Variants in PID1 observed in about 807,000 individuals in gnomAD.
PID1 encodes the protein PTB-containing, cubilin and LRP1-interacting protein.
Under a neutral mutation model 19.1 loss-of-function variants are expected in PID1, and 10 were observed. The ratio of observed to expected loss-of-function variants is 0.52; its 90% confidence interval spans 0.32 to 0.89. The LOEUF is 0.89. PID1 is among the 40% of genes least tolerant of loss of function. The pLI, the probability that PID1 is intolerant of heterozygous loss-of-function variation, is 0.03. For missense variants in PID1, 248 were observed against 285.3 expected (o/e 0.87, Z 0.94); for synonymous variants, 130 against 116.0 (o/e 1.12, Z -0.78).
At chr2:229,218,687 T>C (rs1306384088) in intron 1 of PID1, among the ~76,000 whole-genome samples, 1 of 152,094 alleles carries the variant, frequency 6.6e-6, no homozygotes, top group East Asian at 1.9e-4. Flanking sequence ...AGAGTCCAGG[T>C]TAGGAGCCCT....
rs1480361571 is a variant in PID1 at position 229,055,105 on chromosome 2, G to T, written c.178-28997C>A. On this transcript the variant is annotated intron_variant, in intron 2 of 2. Transcript: ENST00000392055. The stretch of plus-strand genomic sequence containing the variant: ...TAGGTACTCTGAATTCGTCCATTGT[G>T]GTCTCAACACCTGCCATTCATCATT... Among the ~76,000 whole-genome samples, 41 of 152,062 alleles carry T rather than the reference G, an allele frequency of 2.7e-4. 1 individual carries two copies. The highest frequency in any genetic ancestry group is 2.7e-3 in the Admixed American group (41 of 15,268).
intron 1 of PID1, among the ~76,000 whole-genome samples, chr2:229,206,160 G>A (rs1691604914): frequency 1.3e-5 from 2 of 151,700 alleles, no homozygotes; most frequent in South Asian, 2.1e-4. Context: ...TTTGTTGCTC[G>A]GATTCATCTG....
chr2:229,064,269 C>A (rs1694275047), intron 2 of PID1, among the ~76,000 whole-genome samples: 1 of 151,806 alleles, frequency 6.6e-6, no homozygotes, highest in Admixed American at 6.6e-5. Context: ...AAATAGAGAG[C>A]CAGGAACAAA....
chr2:229,164,317 T>A lies in PID1; in HGVS notation c.31-8353A>T, dbSNP rs533896135. Among the ~76,000 whole-genome samples the A allele has an allele frequency of 4.8e-4, 72 of 151,292 alleles. No homozygotes were observed. In the South Asian group the frequency reaches 8.8e-3, roughly 18 times the overall value. On this transcript the variant is annotated intron_variant, in intron 1 of 2. Transcript: ENST00000392055. ...TCACCTACTCATGAAAAAAAAAAAA[T>A]TCAAGTATAGCTGAATTGACTCCTA...
chr2:229,179,863 G>C (rs904443926), intron 1 of PID1, among the ~76,000 whole-genome samples: 1 of 152,140 alleles, frequency 6.6e-6, no homozygotes, highest in Non-Finnish European at 1.5e-5. Context: ...AAAGAGGCTG[G>C]ACTCTCCTTG....
intron 1 of PID1, among the ~76,000 whole-genome samples, chr2:229,259,893 G>A (rs1047166916): frequency 2.0e-5 from 3 of 152,098 alleles, no homozygotes; most frequent in Admixed American, 6.5e-5. Flanking sequence ...ACAGCGTGAA[G>A]GCACCATTTC....
chr2:229,051,535 A>C (rs553242655), intron 2 of PID1, among the ~76,000 whole-genome samples: 1 of 152,060 alleles, frequency 6.6e-6, no homozygotes, highest in African/African-American at 2.4e-5. Flanking sequence ...ACAGGGTTTC[A>C]CCATGTTGCC....
intron 2 of PID1, among the ~76,000 whole-genome samples, chr2:229,092,541 T>C (rs563818125): frequency 6.6e-6 from 1 of 152,314 alleles, no homozygotes; most frequent in South Asian, 2.1e-4. Context: ...AAAGGCAGTA[T>C]GTCCAGTTTC....
intron 2 of PID1, among the ~76,000 whole-genome samples, chr2:229,081,206 T>C (rs1694662235): frequency 6.6e-6 from 1 of 152,178 alleles, no homozygotes; most frequent in African/African-American, 2.4e-5. Flanking sequence ...GATACATACA[T>C]TCAAATACAT....
At chr2:229,071,641 T>A (rs1694456503) in intron 2 of PID1, among the ~76,000 whole-genome samples, 1 of 152,246 alleles carries the variant, frequency 6.6e-6, no homozygotes, top group African/African-American at 2.4e-5. Context: ...AAGTTCTATT[T>A]GGTGTAATTA....
At chr2:229,138,980 G>GAAGAAGGAAAGA (rs1329960601) in intron 2 of PID1, among the ~76,000 whole-genome samples, 1 of 67,024 alleles carries the variant, frequency 1.5e-5, no homozygotes, top group Non-Finnish European at 2.9e-5. Context: ...GAAAAAAATA[G>GAAGAAGGAAAGA]AAGAAAGAAA....
Position 229,233,332 on chromosome 2 carries a change from G to A in PID1, c.30+37682C>T, listed in dbSNP as rs574656983. Among the ~76,000 whole-genome samples, 7 of 152,218 alleles carry A rather than the reference G, an allele frequency of 4.6e-5. No homozygotes were observed. In the South Asian group the frequency reaches 1.5e-3, roughly 32 times the overall value. ...AATATGAGAACATTTAGAAGCTAAAGGCCAGCTGGCATGTCATCATAAGGT... is the reference window on the plus strand; with the variant it reads ...AATATGAGAACATTTAGAAGCTAAAAGCCAGCTGGCATGTCATCATAAGGT... On this transcript the variant is annotated intron_variant, in intron 1 of 2. Transcript: ENST00000392055.
chr2:229,232,175 G>GAGAGCTGGGATTA, intron 1 of PID1: 1 of 1,404,908 alleles, frequency 7.1e-7, no homozygotes, highest in South Asian at 1.6e-5. Flanking sequence ...TGTAATCCCA[G>GAGAGCTGGGATTA]CACTCTGGGA....
rs368679523 is a variant in PID1, at chr2:229,199,614, T to C, written c.31-43650A>G. Reference sequence around the variant, plus strand: ...GGATATTTCCTTAAACTAGGAAGCATTGGATTTATGAAATCTATAAACTAT... The same window carrying C: ...GGATATTTCCTTAAACTAGGAAGCACTGGATTTATGAAATCTATAAACTAT... On this transcript the variant is annotated intron_variant, in intron 1 of 2. Coordinates refer to ENST00000392055, the MANE Select transcript of PID1 (RefSeq NM_001100818.2). 2.0e-4 allele frequency among the ~76,000 whole-genome samples: 31 copies of C among 151,836 alleles called. No individual in the cohort carries two copies. In the East Asian group the frequency reaches 2.9e-3, roughly 14 times the overall value.
Position 229,271,195 on chromosome 2 carries a change from G to A in PID1, c.-152C>T, listed in dbSNP as rs1355024089. The A allele has an allele frequency of 5.3e-6, 4 of 752,536 alleles. No individual in the cohort carries two copies. The Admixed American group carries it at 1.0e-4, about 19-fold the overall frequency. The allele number at this position is 752,536 out of a possible 1,614,324, so 46.6% of individuals were successfully genotyped here. On this transcript the variant is annotated 5_prime_UTR_variant, in exon 1 of 3. Transcript: ENST00000392055. Reference sequence around the variant, plus strand: ...CACCGCCGCCGGGTGGGCGTAGGGGGCTGCGAGCAGGAGGAGGCGCGGCGC... The same window carrying A: ...CACCGCCGCCGGGTGGGCGTAGGGGACTGCGAGCAGGAGGAGGCGCGGCGC...
intron 2 of PID1, among the ~76,000 whole-genome samples, chr2:229,027,718 T>C (rs1693456445): frequency 6.6e-6 from 1 of 152,132 alleles, no homozygotes; most frequent in Non-Finnish European, 1.5e-5. Context: ...AGGCAAGTAG[T>C]AGAGAAAGTC....
chr2:229,030,394 A>C (rs781738725), intron 2 of PID1, among the ~76,000 whole-genome samples: 4 of 152,218 alleles, frequency 2.6e-5, no homozygotes, highest in African/African-American at 9.6e-5. Flanking sequence ...GTGCACTTAA[A>C]AATGGTTAAG....
intron 2 of PID1, among the ~76,000 whole-genome samples, chr2:229,113,371 A>C (rs1408094475): frequency 6.8e-6 from 1 of 147,726 alleles, no homozygotes; most frequent in Non-Finnish European, 1.5e-5. Flanking sequence ...TAATGTCTGG[A>C]GCCCCTACTA....
chr2:229,212,840 T>C (rs534083411), intron 1 of PID1, among the ~76,000 whole-genome samples: 1 of 151,834 alleles, frequency 6.6e-6, no homozygotes, highest in East Asian at 1.9e-4. Context: ...AGGCAGGAGC[T>C]CCCACCCCCA....
Sources: allele counts gnomAD v4.1 joint callset (sites outside exome capture counted in the v4.1 genomes callset), GRCh38; gene constraint gnomAD v4.1.1; transcripts MANE v1.5; gene names NCBI Gene and HGNC (gene_info 2026-07-23, HGNC 2026-07-21).